The following LOC128092252 variants were observed in gnomAD, a reference collection of about 807,000 sequenced individuals.
chr15:50,661,447 T>C, the LOC128092252 span, among the ~76,000 whole-genome samples: 8 of 152,204 alleles, frequency 5.3e-5, no homozygotes, highest in African/African-American at 1.9e-4. Context: ...ACTCTACGTA[T>C]TGCTTCAACT....
At chr15:50,653,283 C>G in the LOC128092252 span, among the ~76,000 whole-genome samples, 11 of 152,178 alleles carry the variant, frequency 7.2e-5, no homozygotes, top group Admixed American at 6.5e-5. Flanking sequence ...AGACCCCGTT[C>G]TCCACAAAAA....
At chr15:50,665,033 T>C in the LOC128092252 span, among the ~76,000 whole-genome samples, 3 of 152,196 alleles carry the variant, frequency 2.0e-5, no homozygotes, top group African/African-American at 7.2e-5. Flanking sequence ...CTTCATTTAA[T>C]AAATATACGC....
At chr15:50,654,156 T>C in the LOC128092252 span, among the ~76,000 whole-genome samples, 1 of 152,060 alleles carries the variant, frequency 6.6e-6, no homozygotes, top group Non-Finnish European at 1.5e-5. Context: ...CAATATATGA[T>C]AAAAAATTAT....
chr15:50,677,748 AAAAAAAAAAAAAC>A, the LOC128092252 span, among the ~76,000 whole-genome samples: 2 of 148,140 alleles, frequency 1.4e-5, no homozygotes, highest in African/African-American at 2.5e-5. Context: ...CAAAAAAAAA[AAAAAAAAAAAAAC>A]AAAAGGTAAC....
chr15:50,663,382 TCCCA>T, the LOC128092252 span, among the ~76,000 whole-genome samples: 1 of 152,202 alleles, frequency 6.6e-6, no homozygotes. Flanking sequence ...TGCCTCGGCC[TCCCA>T]AAGTGGTGGG....
chr15:50,651,270 TGAA>T, the LOC128092252 span, among the ~76,000 whole-genome samples: 7 of 152,176 alleles, frequency 4.6e-5, no homozygotes, highest in South Asian at 1.5e-3. Flanking sequence ...AATCACTAAA[TGAA>T]GACCAGAAAA....
At chr15:50,679,524 ATATATATATATATAT>A in the LOC128092252 span, among the ~76,000 whole-genome samples, 5 of 45,674 alleles carry the variant, frequency 1.1e-4, no homozygotes, top group African/African-American at 4.2e-4. Flanking sequence ...ATATATATAT[ATATATATATATATAT>A]TTTTTTTTTT....
chr15:50,674,254 G>C, the LOC128092252 span, among the ~76,000 whole-genome samples: 1 of 152,174 alleles, frequency 6.6e-6, no homozygotes. Flanking sequence ...CTCCCAAAGT[G>C]CTAGGATTAC....
chr15:50,672,551 G>A, the LOC128092252 span, among the ~76,000 whole-genome samples: 4 of 151,936 alleles, frequency 2.6e-5, no homozygotes, highest in East Asian at 1.9e-4. Context: ...CTAGGCTAAC[G>A]TGTATATTTG....
chr15:50,658,513 T>C, the LOC128092252 span, among the ~76,000 whole-genome samples: 1 of 148,540 alleles, frequency 6.7e-6, no homozygotes, highest in African/African-American at 2.5e-5. Flanking sequence ...GAGGCTAAAG[T>C]GAGCCATGAT....
the LOC128092252 span, among the ~76,000 whole-genome samples, chr15:50,671,519 G>A: frequency 6.6e-6 from 1 of 152,162 alleles, no homozygotes; most frequent in African/African-American, 2.4e-5. Context: ...AATTCCTATT[G>A]CAGGCTGGGT....
chr15:50,665,814 G>A, the LOC128092252 span, among the ~76,000 whole-genome samples: 11 of 152,108 alleles, frequency 7.2e-5, no homozygotes, highest in Admixed American at 2.0e-4. Context: ...GACCAACATG[G>A]TGAAAACCGT....
At chr15:50,667,561 G>T in the LOC128092252 span, among the ~76,000 whole-genome samples, 1 of 152,102 alleles carries the variant, frequency 6.6e-6, no homozygotes, top group Non-Finnish European at 1.5e-5. Flanking sequence ...CAAAAAATTA[G>T]CTGGGAATGG....
chr15:50,657,913 T>A, the LOC128092252 span: 8,324 of 889,036 alleles, frequency 9.4e-3, 54 homozygotes, highest in Non-Finnish European at 0.011. Context: ...ACAAAAAAAA[T>A]TATATACCTA....
chr15:50,653,021 T>C, the LOC128092252 span, among the ~76,000 whole-genome samples: 10 of 152,104 alleles, frequency 6.6e-5, no homozygotes, highest in African/African-American at 2.4e-4. Context: ...CATGGTGGCA[T>C]GCACCTGTGG....
the LOC128092252 span, chr15:50,657,912 AT>A: frequency 5.6e-6 from 5 of 898,368 alleles, no homozygotes; most frequent in Non-Finnish European, 8.6e-6. Flanking sequence ...AACAAAAAAA[AT>A]TATATACCTA....
the LOC128092252 span, among the ~76,000 whole-genome samples, chr15:50,679,711 T>G: frequency 3.7e-3 from 562 of 150,794 alleles, 8 homozygotes; most frequent in African/African-American, 0.013. Context: ...GATTTTTATA[T>G]TTTTAGTAGA....
the LOC128092252 span, among the ~76,000 whole-genome samples, chr15:50,650,381 T>C: frequency 6.6e-6 from 1 of 151,926 alleles, no homozygotes; most frequent in African/African-American, 2.4e-5. Flanking sequence ...AAAAGTATCA[T>C]TAAATTAGAA....
At chr15:50,657,797 A>ATCCTGG in the LOC128092252 span, 8 of 1,611,920 alleles carry the variant, frequency 5.0e-6, no homozygotes, top group African/African-American at 1.3e-5. Context: ...AGTTGCTGAC[A>ATCCTGG]AATTTGACAT....
Sources: allele counts gnomAD v4.1 joint callset (sites outside exome capture counted in the v4.1 genomes callset), GRCh38; gene constraint gnomAD v4.1.1; transcripts MANE v1.5.